TP53BP2: variants seen among roughly 807,000 people sequenced by gnomAD.
The protein encoded by TP53BP2 is tumor protein p53 binding protein 2, also known as apoptosis-stimulating of p53 protein 2.
In TP53BP2, 62 loss-of-function variants were observed where a neutral mutation model predicts 126.2. The ratio of observed to expected loss-of-function variants is 0.49; its 90% CI spans 0.40 to 0.61. The LOEUF is 0.61. Ranked by LOEUF, TP53BP2 falls within the 20% of genes least tolerant of loss-of-function variation. The probability of loss-of-function intolerance (pLI) is 0.00; values close to 1 mark genes in which losing one functional copy is unlikely to be tolerated. For synonymous variants in TP53BP2, 485 were observed against 502.9 expected (o/e 0.96, Z 0.48); for missense variants, 1,215 against 1,402.8 (o/e 0.87, Z 2.14).
At chr1:223,785,396 G>A (rs1661919095) in intron 16 of TP53BP2, among the ~76,000 whole-genome samples, 2 of 152,172 alleles carry the variant, frequency 1.3e-5, no homozygotes, top group Non-Finnish European at 2.9e-5. Flanking sequence ...AACTTTTCTT[G>A]TTTAAAGATG....
At position 223,780,876 on chromosome 1, in the gene TP53BP2, G is replaced by A. The variant is rs1254328013; in HGVS notation, c.3382C>T (p.Pro1128Ser). The change falls in exon 18 of 18, where the codon CCA becomes TCA. Residue 1128 changes from proline to serine, a missense_variant. Around this residue, in one of 4 missense-constraint regions of TP53BP2, gnomAD observed 151 missense variants for 231.2 expected, o/e 0.65. Coordinates refer to ENST00000343537, the MANE Select transcript of TP53BP2 (RefSeq NM_001031685.3). ...NLLGLYPRIK[P>S]RQRSLA ...TTTCAGGCCAAGCTCCTTTGTCTTG[G>A]TTTAATTCTTGGGTACAGCTGCAAG... 2 of 1,613,692 alleles carry A rather than the reference G, an allele frequency of 1.2e-6. No homozygotes were observed. Among genetic ancestry groups the A allele is most frequent in the Non-Finnish European group, 1.7e-6 (2 of 1,179,886 alleles).
intron 1 of TP53BP2, among the ~76,000 whole-genome samples, chr1:223,838,535 C>T (rs1216547723): frequency 6.6e-6 from 1 of 152,200 alleles, no homozygotes; most frequent in East Asian, 1.9e-4. Flanking sequence ...CTGCACCATT[C>T]GAGCAACTGG....
At chr1:223,829,873 A>G (rs993408468) in intron 1 of TP53BP2, among the ~76,000 whole-genome samples, 1 of 152,184 alleles carries the variant, frequency 6.6e-6, no homozygotes, top group African/African-American at 2.4e-5. Flanking sequence ...GAAAAAGTGC[A>G]TATTAGATCA....
rs540044612 is a variant in TP53BP2, at chr1:223,819,138, C to T, written c.175+2082G>A. 9.9e-4 allele frequency among the ~76,000 whole-genome samples: 148 copies of T among 150,044 alleles called. 1 individual carries two copies. The highest frequency in any genetic ancestry group is 2.1e-4 in the South Asian group (1 of 4,730). ...GGCGGAGGTTGCAGTGAGCCGAGAT[C>T]GCGCCATTGCACTCCAGTCTGGGCA... is the stretch of plus-strand genomic sequence containing the variant. On this transcript the variant is annotated intron_variant, in intron 2 of 17. Transcript: ENST00000343537.
intron 17 of TP53BP2, among the ~76,000 whole-genome samples, chr1:223,781,433 G>T (rs1280888141): frequency 6.6e-6 from 1 of 152,302 alleles, no homozygotes; most frequent in Non-Finnish European, 1.5e-5. Context: ...CAATTCTGTG[G>T]TTTTGTGTTT....
chr1:223,839,408 AG>A (rs1218031468), intron 1 of TP53BP2, among the ~76,000 whole-genome samples: 9 of 152,322 alleles, frequency 5.9e-5, no homozygotes, highest in Admixed American at 2.6e-4. Context: ...GTTAGAGTGA[AG>A]CTTCCACTCC....
chr1:223,831,470 A>G (rs1237878381), intron 1 of TP53BP2, among the ~76,000 whole-genome samples: 3 of 33,546 alleles, frequency 8.9e-5, no homozygotes, highest in Non-Finnish European at 5.9e-5. Context: ...ACCATCTAAA[A>G]AAAAAAAAAA....
intron 1 of TP53BP2, among the ~76,000 whole-genome samples, chr1:223,838,643 A>G (rs925027236): frequency 3.3e-5 from 5 of 152,172 alleles, no homozygotes; most frequent in African/African-American, 7.2e-5. Context: ...CTCCTTTCCT[A>G]TTAGGGTGAT....
At chr1:223,823,643 A>C (rs555657939) in intron 1 of TP53BP2, among the ~76,000 whole-genome samples, 3 of 152,374 alleles carry the variant, frequency 2.0e-5, no homozygotes, top group Admixed American at 1.3e-4. Context: ...GGCAGCACTC[A>C]AAATTATTAC....
In TP53BP2 at chr1:223,826,052, C is replaced by G. The variant is rs1428871429; in HGVS notation, c.28-4685G>C. ...GTCAGAGGACTCTTGAGCAACCGAG[C>G]AACCATCTAAAGGAAGTGAGGACAC... On this transcript the variant is annotated intron_variant, in intron 1 of 17. Coordinates refer to ENST00000343537, the MANE Select transcript of TP53BP2 (RefSeq NM_001031685.3). 2.6e-5 allele frequency: 4 copies of G among 152,254 alleles called. No individual in the cohort carries two copies. The East Asian group carries it at 7.7e-4, about 29-fold the overall frequency. 9.4% of individuals were successfully genotyped at this position (152,254 alleles called of 1,614,324 possible).
At chr1:223,797,159 G>A (rs1351136665) in intron 12 of TP53BP2, among the ~76,000 whole-genome samples, 1 of 152,064 alleles carries the variant, frequency 6.6e-6, no homozygotes, top group African/African-American at 2.4e-5. Context: ...CATATATACT[G>A]ATTCTTTGCT....
At chr1:223,788,060 C>A (rs1662029649) in intron 16 of TP53BP2, among the ~76,000 whole-genome samples, 1 of 147,636 alleles carries the variant, frequency 6.8e-6, no homozygotes, top group African/African-American at 2.6e-5. Flanking sequence ...CAGAGTGAGA[C>A]CTCGCCTCTA....
intron 1 of TP53BP2, among the ~76,000 whole-genome samples, chr1:223,844,760 C>A (rs1664212429): frequency 6.6e-6 from 1 of 152,178 alleles, no homozygotes; most frequent in East Asian, 1.9e-4. Flanking sequence ...TGTCATCACT[C>A]CATTCCACAG....
At chr1:223,822,350 C>A (rs1220479921) in intron 1 of TP53BP2, among the ~76,000 whole-genome samples, 1 of 152,074 alleles carries the variant, frequency 6.6e-6, no homozygotes, top group Non-Finnish European at 1.5e-5. Flanking sequence ...AACACTGAGA[C>A]CAACAGAAGG....
chr1:223,825,026 AACACACACACACACACACACACAC>A (rs3058420), intron 1 of TP53BP2, among the ~76,000 whole-genome samples: 2 of 143,470 alleles, frequency 1.4e-5, no homozygotes, highest in African/African-American at 5.2e-5. Flanking sequence ...TCCAACACCA[AACACACACACACACACACACACAC>A]ACACCCTAGC....
intron 1 of TP53BP2, among the ~76,000 whole-genome samples, chr1:223,836,496 CAAAA>C (rs1663926515): frequency 6.6e-6 from 1 of 152,086 alleles, no homozygotes; most frequent in Admixed American, 6.5e-5. Context: ...ATCAATGACA[CAAAA>C]AGGCTGAAAT....
intron 1 of TP53BP2, among the ~76,000 whole-genome samples, chr1:223,842,168 G>A (rs998563741): frequency 2.6e-5 from 4 of 152,120 alleles, no homozygotes; most frequent in African/African-American, 9.7e-5. Flanking sequence ...TCAAACTCCT[G>A]ACCTCGTGAT....
intron 15 of TP53BP2, among the ~76,000 whole-genome samples, chr1:223,790,465 G>A: frequency 6.6e-6 from 1 of 151,992 alleles, no homozygotes; most frequent in East Asian, 1.9e-4. Context: ...GGCTGAGACG[G>A]GAGGCTGCTT....
intron 1 of TP53BP2, among the ~76,000 whole-genome samples, chr1:223,843,613 AT>A (rs1182403194): frequency 6.6e-6 from 1 of 152,158 alleles, no homozygotes; most frequent in Non-Finnish European, 1.5e-5. Flanking sequence ...TTTTATGTAT[AT>A]TTTACCACAA....
Sources: gnomAD v4.1 joint callset for allele counts (sites outside exome capture counted in the v4.1 genomes callset) on GRCh38, gnomAD v4.1.1 for gene constraint, gnomAD v4.1.1 regional missense constraint, MANE v1.5 for transcripts, NCBI Gene and HGNC (gene_info 2026-07-23, HGNC 2026-07-21) for gene names.